APP: variants seen among roughly 807,000 people sequenced by gnomAD.
APP encodes the protein amyloid beta precursor protein.
Under a neutral mutation model 101.4 loss-of-function variants are expected in APP, and 31 were observed. The ratio of observed to expected loss-of-function variants is 0.31; its 90% CI spans 0.23 to 0.41. The LOEUF is 0.41. Among genes scored for constraint, APP ranks in the 10% least tolerant of loss-of-function variants. APP has a pLI of 1.00. For missense variants in APP, 839 were observed against 1,003.7 expected (o/e 0.84, Z 2.22); for synonymous variants, 366 against 364.4 (o/e 1.00, Z -0.05).
chr21:25,993,299 TC>T (rs11301860), intron 8 of APP, among the ~76,000 whole-genome samples: 152,302 of 152,324 alleles, frequency 1, 76,140 homozygotes, highest in Middle Eastern at 1. Context: ...TATAAGGCCA[TC>T]AAACATAATC....
At chr21:26,027,503 A>G (rs904393184) in intron 5 of APP, among the ~76,000 whole-genome samples, 1 of 152,242 alleles carries the variant, frequency 6.6e-6, no homozygotes, top group Non-Finnish European at 1.5e-5. Flanking sequence ...AGGGCAAAGT[A>G]AGAAATAGCC....
Position 26,026,123 on chromosome 21 carries a change from T to C in APP, c.663-4081A>G, listed in dbSNP as rs1190071238. On this transcript the variant is annotated intron_variant, in intron 5 of 17. Coordinates refer to ENST00000346798, the MANE Select transcript of APP (RefSeq NM_000484.4). ...AAGGGAGGAACAGTTTATGGAAATA[T>C]AAAGCTGAGCATCATAAAACAATTT... 2.0e-5 allele frequency among the ~76,000 whole-genome samples: 3 copies of C among 152,220 alleles called. No homozygotes were observed. In the East Asian group the frequency reaches 5.8e-4, roughly 29 times the overall value.
chr21:25,990,984 A>G (rs1336990922), intron 8 of APP, among the ~76,000 whole-genome samples: 2 of 152,242 alleles, frequency 1.3e-5, no homozygotes, highest in African/African-American at 4.8e-5. Flanking sequence ...GAATACTAGT[A>G]GGCCAGAAAA....
intron 13 of APP, among the ~76,000 whole-genome samples, chr21:25,943,502 G>C (rs916236597): frequency 2.7e-5 from 4 of 149,918 alleles, no homozygotes; most frequent in Non-Finnish European, 5.9e-5. Context: ...GCCCTGGCTA[G>C]GGTGAAGTGG....
At chr21:26,054,026 A>T (rs925219749) in intron 3 of APP, among the ~76,000 whole-genome samples, 1 of 152,244 alleles carries the variant, frequency 6.6e-6, no homozygotes, top group African/African-American at 2.4e-5. Flanking sequence ...AAGGTAAAAG[A>T]TGGATAATTA....
chr21:25,910,352 G>A (rs773982738), intron 14 of APP, among the ~76,000 whole-genome samples: 6 of 151,964 alleles, frequency 3.9e-5, no homozygotes, highest in African/African-American at 9.7e-5. Flanking sequence ...GGATGGTCTC[G>A]ATCTCCTGAC....
chr21:26,044,987 T>C lies in APP; in HGVS notation c.662+6013A>G, dbSNP rs143613149. Among the ~76,000 whole-genome samples the C allele has an allele frequency of 3.8e-3, 572 of 152,370 alleles. 5 individuals are homozygous for C. Among genetic ancestry groups the C allele is most frequent in the African/African-American group, 0.013 (544 of 41,596 alleles). ...TGTGACAGTATTCCTTGCCATTTTA[T>C]GATGCTTATGCAACACATTTTATGT... On this transcript the variant is annotated intron_variant, in intron 5 of 17. Coordinates refer to ENST00000346798, the MANE Select transcript of APP (RefSeq NM_000484.4).
At chr21:26,170,362 A>T (rs1299715090) in intron 1 of APP, among the ~76,000 whole-genome samples, 1 of 151,858 alleles carries the variant, frequency 6.6e-6, no homozygotes, top group Non-Finnish European at 1.5e-5. Flanking sequence ...GCTCCCTCTC[A>T]GCGGGCCGGA....
chr21:25,957,048 C>A (rs1336933656), intron 11 of APP, among the ~76,000 whole-genome samples: 1 of 152,188 alleles, frequency 6.6e-6, no homozygotes, highest in Admixed American at 6.5e-5. Context: ...TGAATGCCTG[C>A]CACAGAGGCC....
intron 6 of APP, 58 bp from the exon 7 acceptor site, chr21:26,000,240 T>C (rs1403418787): frequency 1.2e-6 from 2 of 1,600,108 alleles, no homozygotes; most frequent in South Asian, 1.1e-5. Context: ...GTCTCTCTGT[T>C]CATGTATACA....
chr21:26,032,065 G>A (rs1232990453), intron 5 of APP, among the ~76,000 whole-genome samples: 1 of 152,204 alleles, frequency 6.6e-6, no homozygotes, highest in Non-Finnish European at 1.5e-5. Flanking sequence ...TATCATAAAG[G>A]TAAAGATGAT....
intron 3 of APP, among the ~76,000 whole-genome samples, chr21:26,069,917 C>T (rs2046607798): frequency 1.3e-5 from 2 of 152,124 alleles, no homozygotes; most frequent in East Asian, 3.9e-4. Flanking sequence ...TTAACAATAA[C>T]AAGAGTTAGC....
At chr21:26,077,002 G>A (rs951810413) in intron 3 of APP, among the ~76,000 whole-genome samples, 1 of 151,008 alleles carries the variant, frequency 6.6e-6, no homozygotes, top group South Asian at 2.1e-4. Flanking sequence ...GGCGGAGGCT[G>A]CGATGAGCCA....
chr21:25,954,728 G>C (rs201020285), intron 12 of APP, 39 bp from the exon 13 acceptor site: 1 of 1,525,006 alleles, frequency 6.6e-7, no homozygotes, highest in Admixed American at 1.7e-5. Flanking sequence ...AACAATGTCT[G>C]GGGGTAGGAA....
chr21:25,904,245 G>C (rs2038666055), intron 15 of APP, among the ~76,000 whole-genome samples: 1 of 152,100 alleles, frequency 6.6e-6, no homozygotes, highest in South Asian at 2.1e-4. Flanking sequence ...CTATCAGTTG[G>C]GTGAGGTTGT....
chr21:26,087,340 T>C (rs1259557947), intron 3 of APP, among the ~76,000 whole-genome samples: 1 of 152,204 alleles, frequency 6.6e-6, no homozygotes, highest in Non-Finnish European at 1.5e-5. Flanking sequence ...TGAGAAAATA[T>C]GGTAAAATGA....
intron 6 of APP, among the ~76,000 whole-genome samples, chr21:26,002,222 G>A (rs972582207): frequency 2.0e-5 from 3 of 152,210 alleles, no homozygotes; most frequent in East Asian, 3.8e-4. Flanking sequence ...TTTCTCCTGC[G>A]GAGTGTTTGA....
chr21:25,997,111 C>T, intron 8 of APP: 1 of 544,004 alleles, frequency 1.8e-6, no homozygotes, highest in Non-Finnish European at 3.3e-6. Context: ...TTCAATAAAA[C>T]CAGACTAAAT....
chr21:26,075,314 C>A (rs1464219544), intron 3 of APP, among the ~76,000 whole-genome samples: 1 of 152,184 alleles, frequency 6.6e-6, no homozygotes, highest in Non-Finnish European at 1.5e-5. Context: ...AATGTTTGAG[C>A]ACCGCAGGAA....
Sources: allele counts gnomAD v4.1 joint callset (sites outside exome capture counted in the v4.1 genomes callset), GRCh38; gene constraint gnomAD v4.1.1; transcripts MANE v1.5; gene names NCBI Gene and HGNC (gene_info 2026-07-23, HGNC 2026-07-21).